The following PISD variants were observed in gnomAD, a reference collection of about 807,000 sequenced individuals.
PISD encodes phosphatidylserine decarboxylase proenzyme, mitochondrial.
A neutral mutation model predicts 43.5 loss-of-function variants in PISD; 31 were observed. The observed-to-expected ratio is 0.71, with a 90% CI of 0.54 to 0.96. The LOEUF is 0.96. Ranked by LOEUF, PISD falls within the 40% of genes least tolerant of loss-of-function variation. The probability of loss-of-function intolerance (pLI) is 0.00; values close to 1 mark genes in which losing one functional copy is unlikely to be tolerated. For synonymous variants in PISD, 259 were observed against 228.7 expected, an observed-to-expected ratio of 1.13 and a Z score of -1.20; for missense variants, 523 against 548.4, an observed-to-expected ratio of 0.95 and a Z score of 0.46.
intron 1 of PISD, among the ~76,000 whole-genome samples, chr22:31,652,554 C>G (rs899146682): frequency 6.6e-6 from 1 of 151,902 alleles, no homozygotes; most frequent in Admixed American, 6.6e-5. Context: ...CGCCTGGAAT[C>G]CCAGCACTTT....
chr22:31,637,050 G>A (rs2073464671), intron 3 of PISD, among the ~76,000 whole-genome samples: 1 of 149,630 alleles, frequency 6.7e-6, no homozygotes, highest in Admixed American at 6.7e-5. Context: ...CACTTTGGGA[G>A]GCCAAGGCAG....
intron 3 of PISD, chr22:31,625,860 C>T: frequency 6.4e-7 from 1 of 1,567,684 alleles, no homozygotes; most frequent in Non-Finnish European, 8.7e-7. Flanking sequence ...CGATCACTCC[C>T]TTTGTTTTCC....
chr22:31,640,607 G>C (rs1163919304), intron 3 of PISD, among the ~76,000 whole-genome samples: 1 of 118,588 alleles, frequency 8.4e-6, no homozygotes, highest in Non-Finnish European at 1.6e-5. Flanking sequence ...TTGAGACGGA[G>C]TCTCGCTCTG....
intron 3 of PISD, among the ~76,000 whole-genome samples, chr22:31,645,421 T>C (rs1217954467): frequency 6.6e-6 from 1 of 151,730 alleles, no homozygotes. Flanking sequence ...AATAAATAAA[T>C]TGGCCGGGCG....
At chr22:31,640,887 T>TG (rs1569488858) in intron 3 of PISD, among the ~76,000 whole-genome samples, 1 of 72,218 alleles carries the variant, frequency 1.4e-5, no homozygotes, top group African/African-American at 6.0e-5. Flanking sequence ...GGTGTTTTTT[T>TG]TTTTTTTTTT....
At chr22:31,633,671 T>C (rs1444517822) in intron 3 of PISD, among the ~76,000 whole-genome samples, 2 of 151,964 alleles carry the variant, frequency 1.3e-5, no homozygotes, top group Non-Finnish European at 2.9e-5. Context: ...GCCGAGATCG[T>C]ACCATAGCAC....
chr22:31,643,645 C>T (rs1299599559), intron 3 of PISD, among the ~76,000 whole-genome samples: 1 of 152,210 alleles, frequency 6.6e-6, no homozygotes, highest in African/African-American at 2.4e-5. Flanking sequence ...CACAGTGGCT[C>T]ATGCCTGTAA....
rs1226435482 is a variant in PISD at position 31,637,151 on chromosome 22, AAAAAAAAAAAAAAATATATATAT to A, written c.321+10927_321+10949del. ...AATAATAATAAATAAATTAAAAAAA[AAAAAAAAAAAAAAATATATATAT>A]ATATATATATATATATATATATATA... is the stretch of plus-strand genomic sequence containing the variant. On this transcript the variant is annotated intron_variant, in intron 3 of 7. Transcript: ENST00000439502. Among the ~76,000 whole-genome samples, 10 of 21,444 alleles carry A rather than the reference AAAAAAAAAAAAAAATATATATAT, an allele frequency of 4.7e-4. 1 individual carries two copies. Among genetic ancestry groups the A allele is most frequent in the East Asian group, 1.5e-3 (1 of 654 alleles). 14.1% of individuals were successfully genotyped at this position (21,444 alleles called of 152,430 possible).
chr22:31,653,427 A>G (rs879378494), intron 1 of PISD, among the ~76,000 whole-genome samples: 1 of 152,186 alleles, frequency 6.6e-6, no homozygotes, highest in Non-Finnish European at 1.5e-5. Flanking sequence ...ACAATGATTA[A>G]CAAGGCTTTG....
chr22:31,626,062 C>A, intron 3 of PISD: 2 of 1,415,144 alleles, frequency 1.4e-6, no homozygotes, highest in Non-Finnish European at 1.8e-6. Context: ...CTCAGGTCAC[C>A]TGCTCAGGGC....
Position 31,630,961 on chromosome 22 carries a change from C to A in PISD, c.322-9076G>T. 1.5e-6 allele frequency: 1 copy of A among 685,018 alleles called. No homozygotes were observed. The highest frequency in any genetic ancestry group is 1.8e-6 in the Non-Finnish European group (1 of 555,136). The allele number at this position is 685,018 out of a possible 1,614,324, so 42.4% of individuals were successfully genotyped here. A position where few individuals can be genotyped will look rare whatever the true frequency, so the allele number is the denominator to read the frequency against. On this transcript the variant is annotated intron_variant, in intron 3 of 7. Coordinates refer to ENST00000439502, the MANE Select transcript of PISD (RefSeq NM_001326411.2). This position sits in a 1 kb window ranked among gnomAD's most constrained non-coding sequence, Gnocchi z 4.4. ...CAGCCACCCTTAAAGCTGCCGCCCC[C>A]TCTGAGCCCCAGTCCTGCTGGGCCG...
rs112421502 is a variant in PISD at position 31,628,650 on chromosome 22, G to T, written c.322-6765C>A. On this transcript the variant is annotated intron_variant, in intron 3 of 7. Coordinates refer to ENST00000439502, the MANE Select transcript of PISD (RefSeq NM_001326411.2). Reference sequence around the variant, plus strand: ...GGCTGCCTTCCTCTACCTCTGCCCTGAGAGCAGGGAAAGGCATTGGCAAGT... The same window carrying T: ...GGCTGCCTTCCTCTACCTCTGCCCTTAGAGCAGGGAAAGGCATTGGCAAGT... Among the ~76,000 whole-genome samples the T allele has an allele frequency of 4.3e-3, 650 of 152,328 alleles. 13 individuals carry two copies. The highest frequency in any genetic ancestry group is 0.042 in the South Asian group (204 of 4,820).
intron 3 of PISD, among the ~76,000 whole-genome samples, chr22:31,636,850 G>T (rs903242544): frequency 2.7e-5 from 4 of 150,766 alleles, no homozygotes; most frequent in African/African-American, 9.8e-5. Context: ...CCTAATTTTT[G>T]TATTTTTAGT....
At chr22:31,632,450 G>A (rs1383190313) in intron 3 of PISD, among the ~76,000 whole-genome samples, 1 of 152,156 alleles carries the variant, frequency 6.6e-6, no homozygotes, top group Non-Finnish European at 1.5e-5. Flanking sequence ...CTCAAATAGT[G>A]TCATCATAAC....
intron 1 of PISD, among the ~76,000 whole-genome samples, chr22:31,660,492 C>G (rs1043132780): frequency 6.6e-6 from 1 of 151,926 alleles, no homozygotes; most frequent in African/African-American, 2.4e-5. Context: ...GTCTCCACCC[C>G]CACCCCCAAA....
chr22:31,640,644 G>T (rs747558381), intron 3 of PISD, among the ~76,000 whole-genome samples: 1 of 114,370 alleles, frequency 8.7e-6, no homozygotes, highest in African/African-American at 3.4e-5. Context: ...ACAATGGCAC[G>T]ATCTCGGCTC....
In PISD at chr22:31,619,446, C is replaced by T. The variant is rs913499359; in HGVS notation, c.*166G>A. The T allele has an allele frequency of 2.3e-5, 16 of 695,460 alleles. No individual in the cohort carries two copies. The highest frequency in any genetic ancestry group is 3.4e-5 in the Non-Finnish European group (13 of 380,306). The allele number at this position is 695,460 out of a possible 1,614,324, so 43.1% of individuals were successfully genotyped here. A position where few individuals can be genotyped will look rare whatever the true frequency, so the allele number is the denominator to read the frequency against. On this transcript the variant is annotated 3_prime_UTR_variant, in exon 8 of 8. Transcript: ENST00000439502. ...GGGGGCTCTCGCCACCTCTTGTCTG[C>T]ACCTCTGGAACAGGTGGTAGCCGAA... is the stretch of plus-strand genomic sequence containing the variant.
intron 3 of PISD, chr22:31,628,988 A>C: frequency 1.0e-6 from 1 of 985,490 alleles, no homozygotes; most frequent in Non-Finnish European, 1.2e-6. Flanking sequence ...GGCCCTGTGA[A>C]TAGGAAACAA....
intron 1 of PISD, among the ~76,000 whole-genome samples, chr22:31,659,441 T>C (rs991793778): frequency 1.3e-5 from 2 of 152,140 alleles, no homozygotes; most frequent in Admixed American, 1.3e-4. Context: ...GCCATAAATA[T>C]TTCTGATGGA....
Sources: gnomAD v4.1 joint callset for allele counts (sites outside exome capture counted in the v4.1 genomes callset) on GRCh38, gnomAD v4.1.1 for gene constraint, Gnocchi (gnomAD v3.1) non-coding constraint, MANE v1.5 for transcripts, NCBI Gene and HGNC (gene_info 2026-07-23, HGNC 2026-07-21) for gene names.